BSND: variants seen among roughly 807,000 people sequenced by gnomAD.
BSND encodes barttin CLCNK type accessory subunit beta, also known as barttin.
BSND carries 13 observed loss-of-function variants against 18.8 expected under a neutral mutation model. The ratio of observed to expected loss-of-function variants is 0.69; its 90% CI spans 0.45 to 1.10. The LOEUF (loss-of-function observed/expected upper bound fraction) is 1.10, where lower values mean the gene tolerates loss of function less well. Among genes scored for constraint, BSND ranks in the 50% least tolerant of loss-of-function variants. BSND has a pLI of 0.00. For missense variants in BSND, 379 were observed against 416.7 expected, an observed-to-expected ratio of 0.91 and a Z score of 0.79; for synonymous variants, 170 against 161.8, an observed-to-expected ratio of 1.05 and a Z score of -0.39.
In BSND at chr1:55,007,136, C is replaced by T. The variant is rs777252686; in HGVS notation, c.412C>T (p.Gln138Ter). 1 of 1,614,186 alleles carries T rather than the reference C, an allele frequency of 6.2e-7. No homozygotes were observed. Among genetic ancestry groups the T allele is most frequent in the South Asian group, 1.1e-5 (1 of 91,084 alleles). The change falls in exon 3 of 4, where the codon CAG becomes TAG. Residue 138 changes from glutamine to a stop codon, truncating the protein, a stop_gained. Coordinates refer to ENST00000651561, the MANE Select transcript of BSND (RefSeq NM_057176.3). LOFTEE classifies it high-confidence loss of function. ...HRSLLAPEMG[Q>*]PKLGTSDGGE... is the part of the protein sequence containing the mutation. ...CTCCTTGCTGGCCCCTGAGATGGGG[C>T]AGCCGAAGCTGGGAACCAGTGATGG...
rs538950683 is a variant in BSND at position 55,012,511 on chromosome 1, A to G, written c.*3883A>G. Among the ~76,000 whole-genome samples the G allele has an allele frequency of 5.3e-5, 8 of 152,300 alleles. No homozygotes were observed. The South Asian group carries it at 1.7e-3, about 32-fold the overall frequency. On this transcript the variant is annotated 3_prime_UTR_variant, in exon 4 of 4. Coordinates refer to ENST00000651561, the MANE Select transcript of BSND (RefSeq NM_057176.3). ...TCCACATTTATGCAGTGGGGAGGAT[A>G]ATACCTCCCTCTTGGGCTTTTGTGG... is the stretch of plus-strand genomic sequence containing the variant.
chr1:55,005,195 G>A lies in BSND; in HGVS notation c.272+79G>A. 5.2e-6 allele frequency: 7 copies of A among 1,340,704 alleles called. No homozygotes were observed. The South Asian group carries it at 7.2e-5, about 14-fold the overall frequency. The allele number at this position is 1,340,704 out of a possible 1,614,324, so 83.1% of individuals were successfully genotyped here. ...CCCTGACTGAGGAGAGTGAGAGGGAGGGCAGGAAGGCTGTTTGCCTTCTCA... is the reference window on the plus strand; with the variant it reads ...CCCTGACTGAGGAGAGTGAGAGGGAAGGCAGGAAGGCTGTTTGCCTTCTCA... On this transcript the variant is annotated intron_variant, in intron 2 of 3. Coordinates refer to ENST00000651561, the MANE Select transcript of BSND (RefSeq NM_057176.3).
In BSND at chr1:55,010,845, G is replaced by A. The variant is rs1331786672; in HGVS notation, c.*2217G>A. 2.6e-5 allele frequency: 4 copies of A among 152,204 alleles called. No individual in the cohort carries two copies. The highest frequency in any genetic ancestry group is 2.6e-4 in the Admixed American group (4 of 15,286). 9.4% of individuals were successfully genotyped at this position (152,204 alleles called of 1,614,324 possible). ...ACAACCCACGTTAGAAACAGCGTCAGCACTAAGGGCTAAAATAAAACTACT... is the reference window on the plus strand; with the variant it reads ...ACAACCCACGTTAGAAACAGCGTCAACACTAAGGGCTAAAATAAAACTACT... On this transcript the variant is annotated 3_prime_UTR_variant, in exon 4 of 4. Coordinates refer to ENST00000651561, the MANE Select transcript of BSND (RefSeq NM_057176.3).
Position 55,008,699 on chromosome 1 carries a change from T to A in BSND, c.*71T>A. 1 of 1,609,768 alleles carries A rather than the reference T, an allele frequency of 6.2e-7. No homozygotes were observed. Among genetic ancestry groups the A allele is most frequent in the Non-Finnish European group, 8.5e-7 (1 of 1,177,290 alleles). The stretch of plus-strand genomic sequence containing the variant: ...CTGTGTGACATCACAGGGCCTCAGT[T>A]TCCCTATCTGCAAAATGGGATGATA... On this transcript the variant is annotated 3_prime_UTR_variant, in exon 4 of 4. Transcript: ENST00000651561.
rs1433427689 is a variant in BSND at position 55,008,598 on chromosome 1, G to T, written c.933G>T (p.Glu311Asp). The T allele has an allele frequency of 6.2e-7, 1 of 1,614,184 alleles. No individual in the cohort carries two copies. The highest frequency in any genetic ancestry group is 8.5e-7 in the Non-Finnish European group (1 of 1,180,042). ...CCGGGGACCTCCTCCCGGACAAGGA[G>T]CTGGGTTTTGAGCCTGACACCCAAG... Reference protein sequence around the residue: ...DGAGDLLPDKELGFEPDTQG With the variant: ...DGAGDLLPDKDLGFEPDTQG Residue 311 changes from glutamate to aspartate, a missense_variant, in exon 4 of 4, where the codon GAG (glutamate) becomes GAT (aspartate). Transcript: ENST00000651561.
Position 54,999,382 on chromosome 1 carries a change from GGGTGGGGCCAGGTCA to G in BSND, c.177+21_177+35del. The G allele has an allele frequency of 6.3e-7, 1 of 1,598,806 alleles. No homozygotes were observed. Among genetic ancestry groups the G allele is most frequent in the Non-Finnish European group, 8.5e-7 (1 of 1,169,654 alleles). ...CCCCAAGGTAGGTGGTAGTGGGGCT[GGGTGGGGCCAGGTCA>G]GCTGGGGCCAGGAGGGCTGGACACT... On this transcript the variant is annotated intron_variant, in intron 1 of 3. Transcript: ENST00000651561.
chr1:55,008,743 G>T lies in BSND; in HGVS notation c.*115G>T. 1 of 1,456,382 alleles carries T rather than the reference G, an allele frequency of 6.9e-7. No homozygotes were observed. The allele number at this position is 1,456,382 out of a possible 1,614,324, so 90.2% of individuals were successfully genotyped here. ...GATGATATGGAGGTTCAATGAGATG[G>T]TGGCATTTTGAGAATGGTAAAGAAA... is the stretch of plus-strand genomic sequence containing the variant. On this transcript the variant is annotated 3_prime_UTR_variant, in exon 4 of 4. Transcript: ENST00000651561.
In BSND at chr1:54,999,275, G is replaced by A. The variant is rs201119972; in HGVS notation, c.89G>A (p.Arg30Gln). 2.6e-5 allele frequency: 42 copies of A among 1,614,044 alleles called. No homozygotes were observed. The East Asian group carries it at 2.9e-4, about 11-fold the overall frequency. The change falls in exon 1 of 4, where the codon CGG becomes CAG. Residue 30 changes from arginine (R) to glutamine (Q), a missense_variant. Physicochemically the swap from Arg to Gln is conservative, Grantham distance 43. Coordinates refer to ENST00000651561, the MANE Select transcript of BSND (RefSeq NM_057176.3). ...GGTACGTTCCTCATGAGCCATGATCGGCCCCAGGTCTACGGCACCTTCTAT... is the reference window on the plus strand; with the variant it reads ...GGTACGTTCCTCATGAGCCATGATCAGCCCCAGGTCTACGGCACCTTCTAT... The part of the protein sequence containing the change: ...ALGTFLMSHD[R>Q]PQVYGTFYAM...
intron 2 of BSND, among the ~76,000 whole-genome samples, chr1:55,005,765 G>A (rs920208939): frequency 5.3e-5 from 8 of 152,226 alleles, no homozygotes; most frequent in Non-Finnish European, 1.0e-4. Context: ...GTAAGGTGGG[G>A]GTGTTAGGCT....
Position 55,007,236 on chromosome 1 carries a change from GTGAA to G in BSND, c.513_516del (p.Ser171ArgfsTer6). On this transcript the variant is annotated frameshift_variant, in exon 3 of 4. Coordinates refer to ENST00000651561, the MANE Select transcript of BSND (RefSeq NM_057176.3). LOFTEE classifies it low-confidence loss of function (END_TRUNC). ...GTCATCCACAAGGGCTCAGACGAGA[GTGAA>G]GGGGAAAGACGCCTAACTCAGAGCT... The G allele has an allele frequency of 6.2e-7, 1 of 1,612,052 alleles. No individual in the cohort carries two copies.
chr1:55,000,630 C>T (rs55637835), intron 1 of BSND, among the ~76,000 whole-genome samples: 12,034 of 152,336 alleles, frequency 0.079, 671 homozygotes, highest in Non-Finnish European at 0.12. Flanking sequence ...CCGGCTCTCC[C>T]CAGCCCTGCC....
rs1211902794 is a variant in BSND at position 55,017,085 on chromosome 1, A to G, written c.*8457A>G. 6.6e-6 allele frequency among the ~76,000 whole-genome samples: 1 copy of G among 152,208 alleles called. No homozygotes were observed. The highest frequency in any genetic ancestry group is 1.5e-5 in the Non-Finnish European group (1 of 68,042). Reference sequence around the variant, plus strand: ...TTGGACGCTAAGCTCTGTGAAGGCAAGGACTCTATTACGTTCATTATTGTG... The same window carrying G: ...TTGGACGCTAAGCTCTGTGAAGGCAGGGACTCTATTACGTTCATTATTGTG... On this transcript the variant is annotated 3_prime_UTR_variant, in exon 4 of 4. Coordinates refer to ENST00000651561, the MANE Select transcript of BSND (RefSeq NM_057176.3).
intron 1 of BSND, among the ~76,000 whole-genome samples, chr1:55,004,644 T>C (rs1218224094): frequency 6.6e-6 from 1 of 152,196 alleles, no homozygotes; most frequent in African/African-American, 2.4e-5. Context: ...TCACCAAATA[T>C]GGATGAAGCA....
rs894915370 is a variant in BSND, at chr1:55,013,871, C to G, written c.*5243C>G. Among the ~76,000 whole-genome samples the G allele has an allele frequency of 6.6e-6, 1 of 152,192 alleles. No individual in the cohort carries two copies. The highest frequency in any genetic ancestry group is 1.5e-5 in the Non-Finnish European group (1 of 68,042). Reference sequence around the variant, plus strand: ...CCGGCATCCTCACCTTTCCAGCCACCCTGCCTTGGCTCATGCTGTTCCCTC... The same window carrying G: ...CCGGCATCCTCACCTTTCCAGCCACGCTGCCTTGGCTCATGCTGTTCCCTC... On this transcript the variant is annotated 3_prime_UTR_variant, in exon 4 of 4. Transcript: ENST00000651561.
rs1056762894 is a variant in BSND, at chr1:55,014,106, G to C, written c.*5478G>C. Among the ~76,000 whole-genome samples, 3 of 152,340 alleles carry C rather than the reference G, an allele frequency of 2.0e-5. 1 individual carries two copies. Among genetic ancestry groups the C allele is most frequent in the African/African-American group, 7.2e-5 (3 of 41,568 alleles). Reference sequence around the variant, plus strand: ...AGTACCAGTCTCCCCACATGGACTGGGAGGTCCTTCAAGGACAGGGGCCTC... The same window carrying C: ...AGTACCAGTCTCCCCACATGGACTGCGAGGTCCTTCAAGGACAGGGGCCTC... On this transcript the variant is annotated 3_prime_UTR_variant, in exon 4 of 4. Transcript: ENST00000651561.
rs893504574 is a variant in BSND, at chr1:55,010,747, G to A, written c.*2119G>A. ...TCATGACTCAGGACAGGAGTTCCTG[G>A]TCACAGCTGAGTCTTCGGATGAGGT... On this transcript the variant is annotated 3_prime_UTR_variant, in exon 4 of 4. Coordinates refer to ENST00000651561, the MANE Select transcript of BSND (RefSeq NM_057176.3). The A allele has an allele frequency of 2.0e-5, 3 of 152,366 alleles. No homozygotes were observed. Among genetic ancestry groups the A allele is most frequent in the East Asian group, 1.9e-4 (1 of 5,182 alleles). 9.4% of individuals were successfully genotyped at this position (152,366 alleles called of 1,614,324 possible).
Position 55,010,818 on chromosome 1 carries a change from C to A in BSND, c.*2190C>A, listed in dbSNP as rs1644418700. 1 of 152,212 alleles carries A rather than the reference C, an allele frequency of 6.6e-6. No homozygotes were observed. The highest frequency in any genetic ancestry group is 1.5e-5 in the Non-Finnish European group (1 of 68,042). 9.4% of individuals were successfully genotyped at this position (152,212 alleles called of 1,614,324 possible). On this transcript the variant is annotated 3_prime_UTR_variant, in exon 4 of 4. Coordinates refer to ENST00000651561, the MANE Select transcript of BSND (RefSeq NM_057176.3). The stretch of plus-strand genomic sequence containing the variant: ...GCTCTGTTGCCTAAGGCAGGGCAGC[C>A]TACAACCCACGTTAGAAACAGCGTC...
At position 55,007,257 on chromosome 1, in the gene BSND, C is replaced by A; in HGVS notation, c.533C>A (p.Thr178Asn). 6.2e-7 allele frequency: 1 copy of A among 1,607,490 alleles called. No homozygotes were observed. The highest frequency in any genetic ancestry group is 8.5e-7 in the Non-Finnish European group (1 of 1,175,242). ...SDESEGERRL[T>N]QSWPGPLACP... ...GAGAGTGAAGGGGAAAGACGCCTAA[C>A]TCAGAGCTGGCCCGGGTGAGTGCTT... Residue 178 changes from threonine to asparagine, a missense_variant, in exon 3 of 4, where the codon ACT (threonine) becomes AAT (asparagine). By Grantham distance (65) the Thr-to-Asn change is moderately conservative (BLOSUM62 0). Transcript: ENST00000651561.
intron 1 of BSND, 107 bp from the exon 2 acceptor site, chr1:55,004,915 G>A (rs893925609): frequency 2.6e-5 from 27 of 1,034,652 alleles, no homozygotes; most frequent in Admixed American, 7.5e-5. Flanking sequence ...CCTCCGTGGT[G>A]CAGCCTGTCT....
Sources: allele counts gnomAD v4.1 joint callset (sites outside exome capture counted in the v4.1 genomes callset), GRCh38; gene constraint gnomAD v4.1.1; transcripts MANE v1.5; gene names NCBI Gene and HGNC (gene_info 2026-07-23, HGNC 2026-07-21).